ATP8A2: variants seen among roughly 807,000 people sequenced by gnomAD.
ATP8A2 encodes phospholipid-transporting ATPase IB.
A neutral mutation model predicts 165.6 loss-of-function variants in ATP8A2; 100 were observed. The ratio of observed to expected loss-of-function variants is 0.60; its 90% CI spans 0.51 to 0.71. ATP8A2 has a LOEUF of 0.71. Among genes scored for constraint, ATP8A2 ranks in the 30% least tolerant of loss-of-function variants. ATP8A2 has a pLI of 0.00. For missense variants in ATP8A2, 1,227 were observed against 1,479.5 expected (o/e 0.83, Z 2.80); for synonymous variants, 543 against 548.8 (o/e 0.99, Z 0.15).
chr13:25,742,010 G>T (rs2043923941), intron 25 of ATP8A2, among the ~76,000 whole-genome samples: 1 of 152,100 alleles, frequency 6.6e-6, no homozygotes, highest in Non-Finnish European at 1.5e-5. Flanking sequence ...CTTAATGATG[G>T]GGATACATTC....
At chr13:25,781,743 C>T (rs139656151) in intron 27 of ATP8A2, among the ~76,000 whole-genome samples, 3 of 152,282 alleles carry the variant, frequency 2.0e-5, no homozygotes, top group East Asian at 1.9e-4. Context: ...CCACCCGCCT[C>T]GGCCTCCTGA....
At chr13:25,702,201 AT>A (rs553385940) in intron 25 of ATP8A2, among the ~76,000 whole-genome samples, 4 of 152,130 alleles carry the variant, frequency 2.6e-5, no homozygotes, top group Admixed American at 6.6e-5. Context: ...GAAAGAAGTA[AT>A]TTTTTTTCAG....
chr13:25,490,522 G>T (rs980793295), intron 2 of ATP8A2, among the ~76,000 whole-genome samples: 6 of 152,172 alleles, frequency 3.9e-5, no homozygotes, highest in African/African-American at 1.4e-4. Context: ...CCTACAGTCG[G>T]TGAGCATCAC....
chr13:25,873,640 C>CT (rs201451621), intron 33 of ATP8A2, among the ~76,000 whole-genome samples: 2,740 of 139,810 alleles, frequency 0.02, 66 homozygotes, highest in African/African-American at 0.05. Context: ...CTAAGTATCT[C>CT]TTTTTTTTTT....
intron 33 of ATP8A2, among the ~76,000 whole-genome samples, chr13:25,884,592 C>T (rs147636149): frequency 8.5e-5 from 13 of 152,180 alleles, no homozygotes; most frequent in Admixed American, 4.6e-4. Context: ...ATGTTGTGAT[C>T]GCCTGGTCTG....
At chr13:26,001,254 A>G (rs1478939647) in intron 35 of ATP8A2, among the ~76,000 whole-genome samples, 1 of 152,256 alleles carries the variant, frequency 6.6e-6, no homozygotes, top group East Asian at 1.9e-4. Flanking sequence ...CATTGTATGC[A>G]TAGACCACAT....
chr13:25,790,133 C>A (rs1406197841), intron 27 of ATP8A2, among the ~76,000 whole-genome samples: 2 of 152,042 alleles, frequency 1.3e-5, no homozygotes, highest in Admixed American at 1.3e-4. Context: ...TGAAAGATAA[C>A]CCAGGCAATA....
intron 24 of ATP8A2, among the ~76,000 whole-genome samples, chr13:25,687,957 T>C (rs945485049): frequency 3.3e-5 from 5 of 152,088 alleles, no homozygotes; most frequent in African/African-American, 1.2e-4. Context: ...CCCTGTAGAC[T>C]CTGGGATGAA....
intron 22 of ATP8A2, 34 bp downstream of exon 22, chr13:25,579,981 T>C: frequency 3.1e-6 from 5 of 1,609,862 alleles, no homozygotes; most frequent in Non-Finnish European, 4.2e-6. Context: ...TTCAGCTCCA[T>C]GAAGGACTTA....
chr13:25,412,373 T>C (rs2033992619), intron 1 of ATP8A2, among the ~76,000 whole-genome samples: 3 of 152,232 alleles, frequency 2.0e-5, no homozygotes, highest in Admixed American at 2.0e-4. Flanking sequence ...ATTTGGGGAC[T>C]GGAGGCTAAA....
intron 33 of ATP8A2, among the ~76,000 whole-genome samples, chr13:25,917,287 C>A (rs953207927): frequency 1.3e-5 from 2 of 152,148 alleles, no homozygotes; most frequent in African/African-American, 4.8e-5. Context: ...TTTCTTCCTT[C>A]CCTTGTCTTC....
intron 1 of ATP8A2, among the ~76,000 whole-genome samples, chr13:25,419,443 G>C (rs1005542109): frequency 6.6e-6 from 1 of 152,150 alleles, no homozygotes; most frequent in African/African-American, 2.4e-5. Flanking sequence ...TCTGTGACCT[G>C]GGAACTTTCA....
At chr13:25,539,525 A>T (rs2038402616) in intron 7 of ATP8A2, among the ~76,000 whole-genome samples, 1 of 151,936 alleles carries the variant, frequency 6.6e-6, no homozygotes, top group South Asian at 2.1e-4. Flanking sequence ...CAACCTGTTG[A>T]GGAGGTTGTC....
chr13:25,522,174 G>C (rs986909292), intron 2 of ATP8A2, among the ~76,000 whole-genome samples: 1 of 152,042 alleles, frequency 6.6e-6, no homozygotes, highest in African/African-American at 2.4e-5. Context: ...TTCTTATATA[G>C]ATCTTTCACT....
intron 33 of ATP8A2, among the ~76,000 whole-genome samples, chr13:25,890,919 C>T (rs1486845592): frequency 6.6e-6 from 1 of 152,112 alleles, no homozygotes; most frequent in Non-Finnish European, 1.5e-5. Flanking sequence ...AGTTACAACC[C>T]AGAACACGTT....
intron 28 of ATP8A2, among the ~76,000 whole-genome samples, chr13:25,836,092 C>T (rs1222111314): frequency 1.3e-5 from 2 of 152,178 alleles, no homozygotes; most frequent in Non-Finnish European, 2.9e-5. Flanking sequence ...CAGGGGACTT[C>T]TGTATCATGC....
chr13:25,574,096 AAGATT>A (rs2138196498), intron 18 of ATP8A2, among the ~76,000 whole-genome samples: 1 of 152,322 alleles, frequency 6.6e-6, no homozygotes, highest in Admixed American at 6.5e-5. Context: ...GGGAAATGAA[AAGATT>A]AGATTAAAAA....
At chr13:25,663,303 T>G (rs772898941) in intron 24 of ATP8A2, among the ~76,000 whole-genome samples, 1 of 152,248 alleles carries the variant, frequency 6.6e-6, no homozygotes, top group Non-Finnish European at 1.5e-5. Context: ...AATTTAATTT[T>G]CTTTCTTATA....
intron 30 of ATP8A2, among the ~76,000 whole-genome samples, chr13:25,849,194 G>A (rs543067867): frequency 3.9e-5 from 6 of 152,204 alleles, no homozygotes; most frequent in Admixed American, 3.3e-4. Flanking sequence ...CTCTACCTCA[G>A]TTCTCCCTCC....
Sources: allele counts gnomAD v4.1 joint callset (sites outside exome capture counted in the v4.1 genomes callset), GRCh38; gene constraint gnomAD v4.1.1; transcripts MANE v1.5; gene names NCBI Gene and HGNC (gene_info 2026-07-23, HGNC 2026-07-21).